SGSM2: variants seen among roughly 807,000 people sequenced by gnomAD.
SGSM2 encodes the protein RUN and TBC1 domain containing 1.
SGSM2 carries 89 observed loss-of-function variants against 126.6 expected under a neutral mutation model. The ratio of observed to expected loss-of-function variants is 0.70; its 90% CI spans 0.59 to 0.84. The LOEUF is 0.84. Among genes scored for constraint, SGSM2 ranks in the 40% least tolerant of loss-of-function variants. SGSM2 has a pLI of 0.00. For synonymous variants in SGSM2, 614 were observed against 574.3 expected (o/e 1.07, Z -0.99); for missense variants, 1,404 against 1,416.6 (o/e 0.99, Z 0.14).
rs148031213 is a variant in SGSM2 at position 2,338,774 on chromosome 17, A to AATATATATATATATATAT, written c.57+1044_57+1045insTATATATATATATATATA. ...CCTTGAGTCTCTATGCCGTCTCCCT[A>AATATATATATATATATAT]ATATATATATATATAACCTCACGCC... On this transcript the variant is annotated intron_variant, in intron 1 of 23. Transcript: ENST00000268989. Among the ~76,000 whole-genome samples, 534 of 133,908 alleles carry AATATATATATATATATAT rather than the reference A, an allele frequency of 4.0e-3. 7 individuals carry two copies. The highest frequency in any genetic ancestry group is 0.011 in the African/African-American group (424 of 37,054). 87.8% of individuals were successfully genotyped at this position (133,908 alleles called of 152,430 possible).
chr17:2,350,991 G>A (rs928357077), intron 2 of SGSM2, among the ~76,000 whole-genome samples: 9 of 152,140 alleles, frequency 5.9e-5, no homozygotes, highest in African/African-American at 1.4e-4. Context: ...GGTGGCTCAC[G>A]CCTGTAATCC....
At chr17:2,340,285 T>G (rs2064291101) in intron 1 of SGSM2, among the ~76,000 whole-genome samples, 1 of 151,858 alleles carries the variant, frequency 6.6e-6, no homozygotes, top group African/African-American at 2.4e-5. Flanking sequence ...CAGCTAATTT[T>G]TCGTATTTTA....
chr17:2,362,894 C>T lies in SGSM2; in HGVS notation c.515C>T (p.Ala172Val), dbSNP rs761083436. 1.2e-6 allele frequency: 2 copies of T among 1,614,190 alleles called. No homozygotes were observed. Among genetic ancestry groups the T allele is most frequent in the African/African-American group, 1.3e-5 (1 of 75,070 alleles). Reference protein sequence around the residue: ...LADPVFGPILASLLVGPCALE... With the variant: ...LADPVFGPILVSLLVGPCALE... The stretch of plus-strand genomic sequence containing the variant: ...GACCCTGTGTTCGGCCCGATCCTGG[C>T]CTCTCTTCTAGGTGAGCCTGAGAGC... The change falls in exon 5 of 24, where the codon GCC becomes GTC. Residue 172 changes from alanine (A) to valine (V), a missense_variant. Transcript: ENST00000268989. The surrounding 1 kb of genome is among the most constrained non-coding windows in gnomAD (Gnocchi z 4.9).
Position 2,372,753 on chromosome 17 carries a change from A to T in SGSM2, c.1789-200A>T. ...CTCCGGGCGCCATTTCCTGCCCCTTAAGGAAGGAGAGCAGAACGAGATCTC... is the reference window on the plus strand; with the variant it reads ...CTCCGGGCGCCATTTCCTGCCCCTTTAGGAAGGAGAGCAGAACGAGATCTC... On this transcript the variant is annotated intron_variant, in intron 15 of 23. Transcript: ENST00000268989. This position sits in a 1 kb window ranked among gnomAD's most constrained non-coding sequence, Gnocchi z 6.0. The T allele has an allele frequency of 2.4e-6, 2 of 836,076 alleles. No homozygotes were observed. The highest frequency in any genetic ancestry group is 3.7e-6 in the Non-Finnish European group (2 of 547,616). The allele number at this position is 836,076 out of a possible 1,614,324, so 51.8% of individuals were successfully genotyped here. A position where few individuals can be genotyped will look rare whatever the true frequency, so the allele number is the denominator to read the frequency against.
intron 12 of SGSM2, among the ~76,000 whole-genome samples, chr17:2,370,832 C>T (rs1042416714): frequency 6.6e-6 from 1 of 152,244 alleles, no homozygotes; most frequent in Non-Finnish European, 1.5e-5. Flanking sequence ...TTCCAAAGAC[C>T]TCCTTGAGCA....
intron 11 of SGSM2, among the ~76,000 whole-genome samples, chr17:2,365,895 A>G (rs920970992): frequency 4.0e-5 from 6 of 151,576 alleles, no homozygotes; most frequent in Admixed American, 6.6e-5. Context: ...ACAGGCGCAC[A>G]CCTCCATGCC....
chr17:2,340,855 A>G (rs2064337460), intron 1 of SGSM2, among the ~76,000 whole-genome samples: 1 of 152,320 alleles, frequency 6.6e-6, no homozygotes, highest in South Asian at 2.1e-4. Context: ...AAGTGCTGGG[A>G]TTATAGTCGT....
In SGSM2 at chr17:2,371,346, C is replaced by A. The variant is rs113365348; in HGVS notation, c.1508C>A (p.Ser503Tyr). ...HLEPLCSQGS[S>Y]CLSCSSSSSP... is the part of the protein sequence containing the mutation. ...GAGCCCCTGTGCAGTCAGGGCTCCTCCTGCCTCTCCTGCTCCTCCAGCAGC... is the reference window on the plus strand; with the variant it reads ...GAGCCCCTGTGCAGTCAGGGCTCCTACTGCCTCTCCTGCTCCTCCAGCAGC... Residue 503 changes from serine (S) to tyrosine (Y), a missense_variant, in exon 13 of 24, where the codon TCC becomes TAC. Ser to Tyr is a moderately radical substitution (Grantham distance 144). Transcript: ENST00000268989. The A allele has an allele frequency of 6.2e-7, 1 of 1,612,360 alleles. No individual in the cohort carries two copies. The highest frequency in any genetic ancestry group is 1.7e-5 in the Admixed American group (1 of 59,992).
intron 23 of SGSM2, 80 bp from the exon 24 acceptor site, chr17:2,379,337 GCAGAGCAGATGGAAA>G: frequency 6.4e-7 from 1 of 1,564,622 alleles, no homozygotes; most frequent in Middle Eastern, 1.7e-4. Context: ...CAAGAATCTA[GCAGAGCAGATGGAAA>G]CAGAGCAGGG....
chr17:2,380,117 C>T lies in SGSM2; in HGVS notation c.*597C>T, dbSNP rs1012546839. On this transcript the variant is annotated 3_prime_UTR_variant, in exon 24 of 24. Coordinates refer to ENST00000268989, the MANE Select transcript of SGSM2 (RefSeq NM_014853.3). ...TTCTGGGGCAGTCGGAAGATGTGGG[C>T]CCTGGGTGGGAGCAGCCCACTTCAG... The T allele has an allele frequency of 2.1e-4, 289 of 1,404,664 alleles. 2 individuals are homozygous for T. The highest frequency in any genetic ancestry group is 4.0e-4 in the South Asian group (25 of 63,230). The allele number at this position is 1,404,664 out of a possible 1,614,324, so 87.0% of individuals were successfully genotyped here.
chr17:2,362,953 G>A lies in SGSM2; in HGVS notation c.527-36G>A, dbSNP rs754035364. On this transcript the variant is annotated intron_variant, in intron 5 of 23. Transcript: ENST00000268989. The surrounding 1 kb of genome is among the most constrained non-coding windows in gnomAD (Gnocchi z 4.9). ...AGTGGGTACGGGGCAGGTGCTGAGG[G>A]AGCATCGTCTGGGCTGGCTGTCTCT... The A allele has an allele frequency of 4.3e-6, 7 of 1,614,082 alleles. No individual in the cohort carries two copies. Among genetic ancestry groups the A allele is most frequent in the Admixed American group, 3.3e-5 (2 of 60,030 alleles).
rs578113904 is a variant in SGSM2, at chr17:2,372,294, G to A, written c.1642+40G>A. 1.1e-5 allele frequency: 17 copies of A among 1,610,984 alleles called. No individual in the cohort carries two copies. Among genetic ancestry groups the A allele is most frequent in the Middle Eastern group, 1.7e-4 (1 of 6,010 alleles). On this transcript the variant is annotated intron_variant, in intron 14 of 23. Coordinates refer to ENST00000268989, the MANE Select transcript of SGSM2 (RefSeq NM_014853.3). The surrounding 1 kb of genome is among the most constrained non-coding windows in gnomAD (Gnocchi z 6.0). ...CGCCGGGCTGTGGCGGGCTGGGGGCGGGCGGCCCTGGGTCCCAGCCTCCTG... is the reference window on the plus strand; with the variant it reads ...CGCCGGGCTGTGGCGGGCTGGGGGCAGGCGGCCCTGGGTCCCAGCCTCCTG...
chr17:2,379,710 G>A lies in SGSM2; in HGVS notation c.*190G>A, dbSNP rs949999568. The A allele has an allele frequency of 1.8e-5, 26 of 1,419,222 alleles. No individual in the cohort carries two copies. The highest frequency in any genetic ancestry group is 2.6e-4 in the Middle Eastern group (1 of 3,812). 87.9% of individuals were successfully genotyped at this position (1,419,222 alleles called of 1,614,324 possible). A position where few individuals can be genotyped will look rare whatever the true frequency, so the allele number is the denominator to read the frequency against. On this transcript the variant is annotated 3_prime_UTR_variant, in exon 24 of 24. Coordinates refer to ENST00000268989, the MANE Select transcript of SGSM2 (RefSeq NM_014853.3). Reference sequence around the variant, plus strand: ...GCAAGTCAGGGGCCAGGATGCCCTCGGATCAGGGCCGGGATGGGAGGGGTC... The same window carrying A: ...GCAAGTCAGGGGCCAGGATGCCCTCAGATCAGGGCCGGGATGGGAGGGGTC...
chr17:2,341,336 C>T (rs2064360006), intron 1 of SGSM2, among the ~76,000 whole-genome samples: 1 of 152,136 alleles, frequency 6.6e-6, no homozygotes, highest in South Asian at 2.1e-4. Context: ...CAGCCTGATC[C>T]TCCCAAAGTG....
In SGSM2 at chr17:2,362,514, C is replaced by T. The variant is rs182812557; in HGVS notation, c.458+244C>T. Among the ~76,000 whole-genome samples, 16 of 151,736 alleles carry T rather than the reference C, an allele frequency of 1.1e-4. No homozygotes were observed. The highest frequency in any genetic ancestry group is 1.9e-4 in the Non-Finnish European group (13 of 67,886). On this transcript the variant is annotated intron_variant, in intron 4 of 23. Coordinates refer to ENST00000268989, the MANE Select transcript of SGSM2 (RefSeq NM_014853.3). This position sits in a 1 kb window ranked among gnomAD's most constrained non-coding sequence, Gnocchi z 4.9. The stretch of plus-strand genomic sequence containing the variant: ...CCCCAAAAACTGCAGGTGACCGCCC[C>T]GTTCCCCAAAAACTGCAGGTGACCG...
At chr17:2,360,422 TCTCTCCAGTGCACC>T (rs1235793991) in intron 2 of SGSM2, among the ~76,000 whole-genome samples, 1 of 152,210 alleles carries the variant, frequency 6.6e-6, no homozygotes, top group African/African-American at 2.4e-5. Context: ...CCTTGGATCG[TCTCTCCAGTGCACC>T]CTCTTCCTGT....
At chr17:2,338,658 T>A (rs1034782086) in intron 1 of SGSM2, among the ~76,000 whole-genome samples, 1 of 151,936 alleles carries the variant, frequency 6.6e-6, no homozygotes, top group African/African-American at 2.4e-5. Flanking sequence ...CCGTGACTGT[T>A]TGGTAAATAA....
intron 2 of SGSM2, among the ~76,000 whole-genome samples, chr17:2,347,543 A>G (rs1567804033): frequency 6.8e-6 from 1 of 147,622 alleles, no homozygotes; most frequent in African/African-American, 2.5e-5. Flanking sequence ...TGGTTTTTGG[A>G]TTTTTTTTCA....
chr17:2,344,544 T>C (rs8078824), intron 2 of SGSM2, among the ~76,000 whole-genome samples: 13 of 152,134 alleles, frequency 8.5e-5, no homozygotes, highest in African/African-American at 3.1e-4. Flanking sequence ...CACCAAGGGC[T>C]CACCAGGTGC....
Sources: allele counts gnomAD v4.1 joint callset (sites outside exome capture counted in the v4.1 genomes callset), GRCh38; gene constraint gnomAD v4.1.1; non-coding constraint Gnocchi (gnomAD v3.1); transcripts MANE v1.5; gene names NCBI Gene and HGNC (gene_info 2026-07-23, HGNC 2026-07-21).